The following C3orf33 variants were observed in gnomAD, a reference collection of about 807,000 sequenced individuals.
C3orf33 encodes the protein mitochondrial inner membrane subdomain organizer 1.
In C3orf33, 23 loss-of-function variants were observed where a neutral mutation model predicts 28.7. The ratio of observed to expected loss-of-function variants is 0.80; its 90% CI spans 0.58 to 1.13. The LOEUF (loss-of-function observed/expected upper bound fraction) is 1.13, where lower values mean the gene tolerates loss of function less well. Ranked by LOEUF, C3orf33 falls within the 50% of genes most tolerant of loss-of-function variation. The pLI is 0.00. For missense variants in C3orf33, 327 were observed against 353.4 expected (o/e 0.93, Z 0.60); for synonymous variants, 119 against 120.5 (o/e 0.99, Z 0.08).
intron 1 of C3orf33, chr3:155,804,150 TG>T: frequency 2.4e-6 from 1 of 412,594 alleles, no homozygotes; most frequent in South Asian, 1.7e-5. Context: ...CACTCCAGCC[TG>T]GGGGACAAGT....
At chr3:155,798,202 A>G (rs1326377640) in intron 2 of C3orf33, among the ~76,000 whole-genome samples, 1 of 152,210 alleles carries the variant, frequency 6.6e-6, no homozygotes, top group Non-Finnish European at 1.5e-5. Context: ...TATTACCCAA[A>G]GCAATCTACA....
chr3:155,787,216 T>G lies in C3orf33; in HGVS notation c.175-11368A>C, dbSNP rs557433504. Among the ~76,000 whole-genome samples, 4 of 152,258 alleles carry G rather than the reference T, an allele frequency of 2.6e-5. No individual in the cohort carries two copies. The East Asian group carries it at 7.7e-4, about 29-fold the overall frequency. ...CAGATTCAGCCACTCTTTTCTTTGT[T>G]GAAACAGGGTCTCACTCTGTTACCC... On this transcript the variant is annotated intron_variant, in intron 2 of 4. Coordinates refer to ENST00000340171, the MANE Select transcript of C3orf33 (RefSeq NM_001308229.2).
At chr3:155,802,000 C>T (rs1751664437) in intron 2 of C3orf33, among the ~76,000 whole-genome samples, 1 of 152,218 alleles carries the variant, frequency 6.6e-6, no homozygotes, top group South Asian at 2.1e-4. Context: ...GATCCACTCG[C>T]CTCAGCCTCC....
intron 2 of C3orf33, among the ~76,000 whole-genome samples, chr3:155,800,609 C>CTAAAAAAA (rs1418539431): frequency 8.0e-5 from 1 of 12,546 alleles, no homozygotes. Flanking sequence ...GACCTTATCT[C>CTAAAAAAA]CAAAAAAAAA....
chr3:155,769,111 G>A (rs147199440), intron 3 of C3orf33, among the ~76,000 whole-genome samples: 2,434 of 152,228 alleles, frequency 0.016, 28 homozygotes, highest in South Asian at 0.04. Context: ...TTAGGAATTC[G>A]AGACAAGCCT....
chr3:155,788,636 C>T (rs1304201602), intron 2 of C3orf33, among the ~76,000 whole-genome samples: 2 of 150,364 alleles, frequency 1.3e-5, no homozygotes, highest in South Asian at 2.1e-4. Context: ...GAGCCGAAAT[C>T]GCAGCCACCA....
At chr3:155,800,575 A>ACTC (rs1048489314) in intron 2 of C3orf33, among the ~76,000 whole-genome samples, 1 of 125,372 alleles carries the variant, frequency 8.0e-6, no homozygotes, top group African/African-American at 3.0e-5. Flanking sequence ...ATGCCAGTGC[A>ACTC]CTCTAGCCTG....
In C3orf33 at chr3:155,770,076, G is replaced by A. The variant is rs535782498; in HGVS notation, c.323-2407C>T. ...ACTCAACCACACTTTGAAACTGCCC[G>A]TCTTTGGGCAGGAGACTACCTGACT... is the stretch of plus-strand genomic sequence containing the variant. On this transcript the variant is annotated intron_variant, in intron 3 of 4. Transcript: ENST00000340171. 8.1e-4 allele frequency among the ~76,000 whole-genome samples: 123 copies of A among 152,286 alleles called. 1 individual carries two copies. Among genetic ancestry groups the A allele is most frequent in the Admixed American group, 5.3e-3 (81 of 15,300 alleles).
In C3orf33 at chr3:155,763,665, G is replaced by T. The variant is rs201584610; in HGVS notation, c.737C>A (p.Thr246Lys). 333 of 1,594,188 alleles carry T rather than the reference G, an allele frequency of 2.1e-4. No homozygotes were observed. The Middle Eastern group carries it at 4.0e-3, about 19-fold the overall frequency. Residue 246 changes from threonine to lysine, a missense_variant, in exon 5 of 5, where the codon ACA becomes AAA. By Grantham distance (78) the Thr-to-Lys change is moderately conservative (BLOSUM62 -1). Coordinates refer to ENST00000340171, the MANE Select transcript of C3orf33 (RefSeq NM_001308229.2). Reference protein sequence around the residue: ...IWKKDSFLKTTGSDFSLKKES... With the variant: ...IWKKDSFLKTKGSDFSLKKES... ...TTTTTTCAAGCTGAAATCTGATCCTGTTGTTTTTAAAAAACTGTCCTTTTT... is the reference window on the plus strand; with the variant it reads ...TTTTTTCAAGCTGAAATCTGATCCTTTTGTTTTTAAAAAACTGTCCTTTTT...
chr3:155,804,525 T>C (rs1751758297), intron 1 of C3orf33, among the ~76,000 whole-genome samples: 1 of 152,246 alleles, frequency 6.6e-6, no homozygotes, highest in Non-Finnish European at 1.5e-5. Flanking sequence ...TGTAGAGCAT[T>C]TGCAAAGTTA....
Position 155,763,485 on chromosome 3 carries a change from G to A in C3orf33, c.*32C>T. The A allele has an allele frequency of 7.0e-7, 1 of 1,428,696 alleles. No individual in the cohort carries two copies. The highest frequency in any genetic ancestry group is 9.2e-7 in the Non-Finnish European group (1 of 1,090,258). 88.5% of individuals were successfully genotyped at this position (1,428,696 alleles called of 1,614,324 possible). On this transcript the variant is annotated 3_prime_UTR_variant, in exon 5 of 5. Transcript: ENST00000340171. ...CATATATTTACATATTTCACTCTTT[G>A]GAGAAGGTTACCTCTAGATTTCTTG...
intron 3 of C3orf33, among the ~76,000 whole-genome samples, chr3:155,773,362 T>A (rs1479069670): frequency 1.3e-5 from 2 of 152,208 alleles, no homozygotes; most frequent in East Asian, 3.8e-4. Context: ...GCGGTTAATA[T>A]CTGTTGAGAG....
chr3:155,790,163 C>CAA lies in C3orf33; in HGVS notation c.174+12367_174+12368dup, dbSNP rs35285462. 1.3e-3 allele frequency among the ~76,000 whole-genome samples: 51 copies of CAA among 38,686 alleles called. 2 individuals carry two copies. The highest frequency in any genetic ancestry group is 5.3e-3 in the African/African-American group (47 of 8,796). The allele number at this position is 38,686 out of a possible 152,430, so 25.4% of individuals were successfully genotyped here. ...TGGGTGACAGAGTGAAACTCTGTCT[C>CAA]AAAAAAAAAAAAAAAAAAAAAAAAA... On this transcript the variant is annotated intron_variant, in intron 2 of 4. Coordinates refer to ENST00000340171, the MANE Select transcript of C3orf33 (RefSeq NM_001308229.2).
Position 155,763,648 on chromosome 3 carries a change from A to C in C3orf33, c.754T>G (p.Leu252Val), listed in dbSNP as rs750650694. The part of the protein sequence containing the change: ...FLKTTGSDFS[L>V]KKESYYEKLK... ...TTTTCATAATAACTTTCTTTTTTCA[A>C]GCTGAAATCTGATCCTGTTGTTTTT... The change falls in exon 5 of 5, where the codon TTG becomes GTG. Residue 252 changes from leucine (L) to valine (V), a missense_variant. Leu to Val is a conservative substitution (Grantham distance 32). Coordinates refer to ENST00000340171, the MANE Select transcript of C3orf33 (RefSeq NM_001308229.2). 6.3e-7 allele frequency: 1 copy of C among 1,595,154 alleles called. No individual in the cohort carries two copies. Among genetic ancestry groups the C allele is most frequent in the South Asian group, 1.2e-5 (1 of 85,320 alleles).
intron 2 of C3orf33, among the ~76,000 whole-genome samples, chr3:155,800,903 A>T (rs1751628401): frequency 6.6e-6 from 1 of 152,170 alleles, no homozygotes; most frequent in East Asian, 1.9e-4. Context: ...CATTAGGATG[A>T]CTACTAACAA....
intron 3 of C3orf33, among the ~76,000 whole-genome samples, chr3:155,775,483 T>C (rs10936019): frequency 0.83 from 122,899 of 147,962 alleles, 51,363 homozygotes; most frequent in East Asian, 0.91. Context: ...AGTGAAACTC[T>C]GTCTCAAAAA....
chr3:155,767,626 T>C lies in C3orf33; in HGVS notation c.366A>G (p.Glu122=). 3 of 1,583,082 alleles carry C rather than the reference T, an allele frequency of 1.9e-6. No individual in the cohort carries two copies. Among genetic ancestry groups the C allele is most frequent in the Non-Finnish European group, 2.6e-6 (3 of 1,161,190 alleles). The change falls in exon 4 of 5, where the codon GAA becomes GAG. Residue 122 remains glutamate (E), a synonymous_variant. Coordinates refer to ENST00000340171, the MANE Select transcript of C3orf33 (RefSeq NM_001308229.2). ...ACCATGCCTTCCCAGTTTCAGCGAG[T>C]TCTACTCCAGCCAACTTAACCAGCA... The part of the protein sequence containing the change: ...GALLVKLAGV[E]LAETGKAWLQ...
chr3:155,803,731 A>ATTAGCC (rs1433925357), intron 1 of C3orf33, among the ~76,000 whole-genome samples: 1 of 149,990 alleles, frequency 6.7e-6, no homozygotes. Flanking sequence ...AAATACAAAA[A>ATTAGCC]ACTAGCTGGA....
intron 2 of C3orf33, among the ~76,000 whole-genome samples, chr3:155,777,396 G>A (rs1750782971): frequency 1.3e-5 from 2 of 151,774 alleles, no homozygotes; most frequent in African/African-American, 4.8e-5. Flanking sequence ...AGAGATTATT[G>A]TTAATTTTAT....
Sources: gnomAD v4.1 joint callset for allele counts (sites outside exome capture counted in the v4.1 genomes callset) on GRCh38, gnomAD v4.1.1 for gene constraint, MANE v1.5 for transcripts, NCBI Gene and HGNC (gene_info 2026-07-23, HGNC 2026-07-21) for gene names.